COL28A1: variants seen among roughly 807,000 people sequenced by gnomAD.
COL28A1 encodes the protein collagen type XXVIII alpha 1 chain.
Under a neutral mutation model 150.2 loss-of-function variants are expected in COL28A1, and 161 were observed. The ratio of observed to expected loss-of-function variants is 1.07; its 90% CI spans 0.94 to 1.22. The LOEUF is 1.22. COL28A1 is among the 50% of genes most tolerant of loss of function. The probability of loss-of-function intolerance (pLI) is 0.00; values close to 1 mark genes in which losing one functional copy is unlikely to be tolerated. For missense variants in COL28A1, 1,617 were observed against 1,388.3 expected, an observed-to-expected ratio of 1.16 and a Z score of -2.62; for synonymous variants, 552 against 469.7, an observed-to-expected ratio of 1.18 and a Z score of -2.26.
At chr7:7,506,183 G>A (rs1780799848) in intron 10 of COL28A1, 116 bp from the exon 11 acceptor site, 3 of 630,668 alleles carry the variant, frequency 4.8e-6, no homozygotes, top group South Asian at 4.0e-5. Flanking sequence ...GTAACTCAGA[G>A]CTAAATTGAA....
intron 9 of COL28A1, among the ~76,000 whole-genome samples, chr7:7,508,446 A>G (rs575728807): frequency 6.6e-6 from 1 of 152,280 alleles, no homozygotes; most frequent in South Asian, 2.1e-4. Flanking sequence ...CAGAGACCAT[A>G]AGCACATTTA....
chr7:7,528,959 T>G (rs1432436585), intron 3 of COL28A1, among the ~76,000 whole-genome samples: 3 of 152,156 alleles, frequency 2.0e-5, no homozygotes, highest in African/African-American at 7.2e-5. Context: ...CAACTAAAGA[T>G]GTAATAGAAA....
At chr7:7,388,372 A>G (rs1782325132) in intron 27 of COL28A1, among the ~76,000 whole-genome samples, 1 of 152,124 alleles carries the variant, frequency 6.6e-6, no homozygotes, top group Non-Finnish European at 1.5e-5. Context: ...ATAGTATTCC[A>G]TGGTGTATAT....
intron 25 of COL28A1, among the ~76,000 whole-genome samples, chr7:7,424,136 T>C (rs1784527491): frequency 6.6e-6 from 1 of 152,244 alleles, no homozygotes; most frequent in African/African-American, 2.4e-5. Flanking sequence ...AGACTTTAAA[T>C]CAAGTCTTAA....
At chr7:7,400,975 G>GGGGTGTGTGTGTGTGTGT (rs1160269291) in intron 27 of COL28A1, among the ~76,000 whole-genome samples, 2 of 119,074 alleles carry the variant, frequency 1.7e-5, no homozygotes, top group Non-Finnish European at 3.4e-5. Context: ...TGGGTATTTG[G>GGGGTGTGTGTGTGTGTGT]GTGTGTGTGT....
At chr7:7,386,038 C>T (rs937628838) in intron 27 of COL28A1, among the ~76,000 whole-genome samples, 2 of 152,132 alleles carry the variant, frequency 1.3e-5, no homozygotes, top group African/African-American at 4.8e-5. Context: ...AGGAAACAAC[C>T]TATTTTATTG....
intron 7 of COL28A1, among the ~76,000 whole-genome samples, chr7:7,516,080 T>C (rs1781399319): frequency 6.6e-6 from 1 of 152,374 alleles, no homozygotes; most frequent in South Asian, 2.1e-4. Context: ...TCAGGTATTT[T>C]TCCATATCCA....
At chr7:7,539,697 T>C (rs28488380), upstream of COL28A1, among the ~76,000 whole-genome samples, 12,042 of 152,192 alleles carry the variant, frequency 0.079, 1,649 homozygotes, top group African/African-American at 0.27. Context: ...TGACTTCAGT[T>C]CCTATGCCCT....
intron 13 of COL28A1, among the ~76,000 whole-genome samples, chr7:7,480,622 A>C (rs1789311463): frequency 6.6e-6 from 1 of 152,240 alleles, no homozygotes; most frequent in African/African-American, 2.4e-5. Context: ...AAATGAAAAA[A>C]AACACAATTT....
In COL28A1 at chr7:7,474,621, G is replaced by A. The variant is rs1352150429; in HGVS notation, c.1282C>T (p.Leu428=). Residue 428 remains leucine, a synonymous_variant, in exon 15 of 35, where the codon CTG becomes TTG. Coordinates refer to ENST00000399429, the MANE Select transcript of COL28A1 (RefSeq NM_001037763.3). The part of the protein sequence containing the change: ...GPTGPQGLQG[L]SIKGEKGDIG... Reference sequence around the variant, plus strand: ...AGTACCTTCTCCCCTTTGATTGACAGGCCTTGTAATCCCTGTGGGCCAGTT... The same window carrying A: ...AGTACCTTCTCCCCTTTGATTGACAAGCCTTGTAATCCCTGTGGGCCAGTT... The A allele has an allele frequency of 7.3e-7, 1 of 1,363,500 alleles. No homozygotes were observed. The highest frequency in any genetic ancestry group is 1.1e-6 in the Non-Finnish European group (1 of 951,920). The allele number at this position is 1,363,500 out of a possible 1,614,324, so 84.5% of individuals were successfully genotyped here. A position where few individuals can be genotyped will look rare whatever the true frequency, so the allele number is the denominator to read the frequency against.
chr7:7,540,729 C>A (rs564770507), upstream of COL28A1, among the ~76,000 whole-genome samples: 2 of 152,308 alleles, frequency 1.3e-5, no homozygotes, highest in South Asian at 4.1e-4. Flanking sequence ...CAGAACAAAT[C>A]ATCATGGGCT....
chr7:7,455,956 T>A, intron 16 of COL28A1, 88 bp downstream of exon 16: 2 of 1,553,476 alleles, frequency 1.3e-6, no homozygotes, highest in Non-Finnish European at 1.7e-6. Flanking sequence ...AATATACTCA[T>A]AGATGTTTGC....
At chr7:7,414,713 T>C (rs968407416) in intron 27 of COL28A1, among the ~76,000 whole-genome samples, 3 of 152,216 alleles carry the variant, frequency 2.0e-5, no homozygotes, top group African/African-American at 7.2e-5. Context: ...CTTCCAGTCA[T>C]GTCCATTCAT....
intron 16 of COL28A1, 147 bp from the exon 17 acceptor site, chr7:7,453,655 C>T: frequency 1.7e-6 from 1 of 602,048 alleles, no homozygotes; most frequent in South Asian, 2.0e-5. Flanking sequence ...GCTAGTTAAA[C>T]CACAATTTGC....
intron 18 of COL28A1, among the ~76,000 whole-genome samples, chr7:7,451,658 CATAAT>C (rs1223314815): frequency 6.6e-6 from 1 of 152,008 alleles, no homozygotes; most frequent in Non-Finnish European, 1.5e-5. Flanking sequence ...ATATATATAA[CATAAT>C]ATGTTTGTAT....
the COL28A1 span, among the ~76,000 whole-genome samples, chr7:7,342,689 C>T: frequency 1.2e-4 from 19 of 152,154 alleles, no homozygotes; most frequent in East Asian, 3.3e-3. Flanking sequence ...CAGACCAGAA[C>T]ATTAGAATAT....
At chr7:7,348,578 C>T in the COL28A1 span, among the ~76,000 whole-genome samples, 3 of 151,966 alleles carry the variant, frequency 2.0e-5, no homozygotes, top group Non-Finnish European at 4.4e-5. Context: ...TTAAAGCGTA[C>T]AATTTAAGAA....
chr7:7,497,082 A>G (rs866008020), intron 11 of COL28A1, among the ~76,000 whole-genome samples: 7 of 120,678 alleles, frequency 5.8e-5, no homozygotes, highest in East Asian at 2.8e-4. Flanking sequence ...AGGAAGGAAG[A>G]AAGGAAGGAA....
intron 27 of COL28A1, among the ~76,000 whole-genome samples, chr7:7,393,640 T>C (rs149600050): frequency 0.011 from 1,729 of 152,234 alleles, 24 homozygotes; most frequent in Non-Finnish European, 0.014. Flanking sequence ...TTTTTTCAGA[T>C]ATGCCCTGAC....
Sources: gnomAD v4.1 joint callset for allele counts (sites outside exome capture counted in the v4.1 genomes callset) on GRCh38, gnomAD v4.1.1 for gene constraint, MANE v1.5 for transcripts, NCBI Gene and HGNC (gene_info 2026-07-23, HGNC 2026-07-21) for gene names.